Variants in ADAMTSL2 observed in about 807,000 individuals in gnomAD.
ADAMTSL2 encodes the protein ADAMTS like 2.
A neutral mutation model predicts 117.0 loss-of-function variants in ADAMTSL2; 55 were observed. The observed-to-expected ratio is 0.47, with a 90% CI of 0.38 to 0.59. The LOEUF (loss-of-function observed/expected upper bound fraction) is 0.59, where lower values mean the gene tolerates loss of function less well. ADAMTSL2 is among the 20% of genes least tolerant of loss of function. The pLI, the probability that ADAMTSL2 is intolerant of heterozygous loss-of-function variation, is 0.00. For missense variants in ADAMTSL2, 1,182 were observed against 1,354.5 expected, an observed-to-expected ratio of 0.87 and a Z score of 2.00; for synonymous variants, 572 against 566.4, an observed-to-expected ratio of 1.01 and a Z score of -0.14.
chr9:133,559,028 C>A (rs1830668809), intron 11 of ADAMTSL2, among the ~76,000 whole-genome samples: 1 of 152,180 alleles, frequency 6.6e-6, no homozygotes, highest in African/African-American at 2.4e-5. Flanking sequence ...ATGCTGCCTG[C>A]TGGCTCAGAG....
intron 5 of ADAMTSL2, among the ~76,000 whole-genome samples, chr9:133,540,141 ACTTACTGGCTC>A (rs1830179892): frequency 6.6e-6 from 1 of 152,146 alleles, no homozygotes; most frequent in Non-Finnish European, 1.5e-5. Flanking sequence ...TTGCTCACTT[ACTTACTGGCTC>A]CTGGGCACAG....
intron 9 of ADAMTSL2, among the ~76,000 whole-genome samples, chr9:133,551,802 A>G (rs1010361588): frequency 4.2e-5 from 6 of 144,260 alleles, no homozygotes; most frequent in Non-Finnish European, 7.6e-5. Context: ...GATCCCACCC[A>G]AAGCAGCAGC....
At position 133,540,918 on chromosome 9, in the gene ADAMTSL2, T is replaced by A; in HGVS notation, c.599T>A (p.Leu200Gln). The A allele has an allele frequency of 6.2e-7, 1 of 1,613,334 alleles. No individual in the cohort carries two copies. The highest frequency in any genetic ancestry group is 8.5e-7 in the Non-Finnish European group (1 of 1,179,988). ...GGGGTGCTTTTCTCCACCCACACAC[T>A]GGACAAGTGTGGCATCTGCCAGGGG... ...CDGVLFSTHT[L>Q]DKCGICQGDG... Residue 200 changes from leucine (L) to glutamine (Q), a missense_variant, in exon 7 of 19, where the codon CTG (leucine) becomes CAG (glutamine). By Grantham distance (113) the Leu-to-Gln change is moderately radical. Transcript: ENST00000651351.
At chr9:133,546,313 C>T (rs1830346578) in intron 8 of ADAMTSL2, among the ~76,000 whole-genome samples, 1 of 151,976 alleles carries the variant, frequency 6.6e-6, no homozygotes, top group Admixed American at 6.5e-5. Flanking sequence ...GAGTTAGGCC[C>T]TGGGAGTGCC....
chr9:133,536,753 T>G lies in ADAMTSL2; in HGVS notation c.41T>G (p.Leu14Arg). The G allele has an allele frequency of 1.9e-6, 3 of 1,614,260 alleles. No homozygotes were observed. The highest frequency in any genetic ancestry group is 2.5e-6 in the Non-Finnish European group (3 of 1,180,054). The change falls in exon 2 of 19, where the codon CTG becomes CGG. Residue 14 changes from leucine to arginine, a missense_variant. This residue lies in a region of ADAMTSL2 where 372 missense variants were observed against 463.4 expected (regional missense o/e 0.80). Coordinates refer to ENST00000651351, the MANE Select transcript of ADAMTSL2 (RefSeq NM_014694.4). ...CAATGTTCCTGCTGGGCCTGGTTCC[T>G]GCTGGTTCTGGCAGTTGTAGCTGGG... ...RWQCSCWAWF[L>R]LVLAVVAGDT...
chr9:133,546,400 G>A (rs1452528912), intron 8 of ADAMTSL2, among the ~76,000 whole-genome samples: 1 of 150,450 alleles, frequency 6.6e-6, no homozygotes, highest in East Asian at 2.0e-4. Flanking sequence ...CCAGGAAGAG[G>A]GTGACTGAGA....
chr9:133,539,681 C>CGGCTGTCCCGGCTGTCCCGGCTGTCCT (rs1427150305), intron 4 of ADAMTSL2, 90 bp from the exon 5 acceptor site: 25 of 1,340,960 alleles, frequency 1.9e-5, no homozygotes, highest in Admixed American at 7.9e-5. Flanking sequence ...CCGGCTGTCC[C>CGGCTGTCCCGGCTGTCCCGGCTGTCCT]GGCTGCAGCC....
At chr9:133,573,757 G>A (rs1831164047) in intron 17 of ADAMTSL2, 86 bp from the exon 18 acceptor site, 2 of 1,558,958 alleles carry the variant, frequency 1.3e-6, no homozygotes, top group African/African-American at 1.4e-5. Flanking sequence ...GGTGGGGAAG[G>A]GGGAGTGTGC....
chr9:133,538,206 G>T lies in ADAMTSL2; in HGVS notation c.234-143G>T, dbSNP rs1830098773. On this transcript the variant is annotated intron_variant, in intron 3 of 18. Transcript: ENST00000651351. ...CCCCTTGGCTCTGGTGTGTGTACGG[G>T]GTGGGAGTTGAGTAGGGAGGAAGGA... 5 of 895,904 alleles carry T rather than the reference G, an allele frequency of 5.6e-6. No homozygotes were observed. In the Admixed American group the frequency reaches 6.9e-5, roughly 12 times the overall value. 55.5% of individuals were successfully genotyped at this position (895,904 alleles called of 1,614,324 possible).
chr9:133,568,757 C>G lies in ADAMTSL2; in HGVS notation c.2243C>G (p.Pro748Arg). The G allele has an allele frequency of 1.2e-6, 2 of 1,612,936 alleles. No homozygotes were observed. The highest frequency in any genetic ancestry group is 1.7e-6 in the Non-Finnish European group (2 of 1,179,962). Residue 748 changes from proline (P) to arginine (R), a missense_variant and splice_region_variant, in exon 15 of 19, where the codon CCG becomes CGG. Physicochemically the swap from Pro to Arg is moderately radical, Grantham distance 103. Transcript: ENST00000651351. ...CAGTGGACCGTCTCCGACTGGGGAC[C>G]GGTGAGGCCTGCACTGAGGGGTGGC... ...DRQWTVSDWG[P>R]CSGSCGQGRT...
intron 4 of ADAMTSL2, 100 bp downstream of exon 4, chr9:133,538,524 C>G: frequency 7.5e-7 from 1 of 1,341,046 alleles, no homozygotes; most frequent in Non-Finnish European, 1.1e-6. Context: ...TCTGGGCATT[C>G]TGTTGTGGGC....
chr9:133,547,373 A>G (rs1262192564), intron 9 of ADAMTSL2, among the ~76,000 whole-genome samples, 160 bp downstream of exon 9: 10 of 152,174 alleles, frequency 6.6e-5, no homozygotes, highest in African/African-American at 1.7e-4. Flanking sequence ...CTTCACGTTC[A>G]ATCACTGTTA....
rs1366336312 is a variant in ADAMTSL2, at chr9:133,554,269, G to A, written c.940-88G>A. ...TCAACTGCCAGTCACAGCAGGGAAC[G>A]CACCCTGCAGCTCTGTGGGAAGGGG... On this transcript the variant is annotated intron_variant, in intron 9 of 18. Coordinates refer to ENST00000651351, the MANE Select transcript of ADAMTSL2 (RefSeq NM_014694.4). This position sits in a 1 kb window ranked among gnomAD's most constrained non-coding sequence, Gnocchi z 5.2. 61 of 1,229,012 alleles carry A rather than the reference G, an allele frequency of 5.0e-5. No individual in the cohort carries two copies. Among genetic ancestry groups the A allele is most frequent in the Admixed American group, 1.6e-4 (7 of 44,972 alleles). 76.1% of individuals were successfully genotyped at this position (1,229,012 alleles called of 1,614,324 possible).
chr9:133,534,856 C>T lies in ADAMTSL2; in HGVS notation c.-212C>T, dbSNP rs905658023. ...CCCGCACGCACAGCGCACCTGGCGC[C>T]GTCTGCCCTCCGCAGCGCTCGCCCC... On this transcript the variant is annotated 5_prime_UTR_variant, in exon 1 of 19. Transcript: ENST00000651351. 5 of 1,493,202 alleles carry T rather than the reference C, an allele frequency of 3.3e-6. No individual in the cohort carries two copies. Among genetic ancestry groups the T allele is most frequent in the Admixed American group, 4.5e-5 (2 of 44,516 alleles). 92.5% of individuals were successfully genotyped at this position (1,493,202 alleles called of 1,614,324 possible).
chr9:133,544,197 T>A (rs1223785645), intron 7 of ADAMTSL2, among the ~76,000 whole-genome samples: 1 of 152,188 alleles, frequency 6.6e-6, no homozygotes, highest in African/African-American at 2.4e-5. Flanking sequence ...CATGTCCCTG[T>A]GGCCCTCGCT....
chr9:133,565,635 T>C (rs1181248295), intron 12 of ADAMTSL2, among the ~76,000 whole-genome samples: 1 of 152,194 alleles, frequency 6.6e-6, no homozygotes, highest in Non-Finnish European at 1.5e-5. Flanking sequence ...AAAATCCCCT[T>C]GTCGGCTGCT....
chr9:133,536,976 G>C (rs1423801758), intron 2 of ADAMTSL2, among the ~76,000 whole-genome samples, 174 bp downstream of exon 2: 1 of 152,222 alleles, frequency 6.6e-6, no homozygotes, highest in African/African-American at 2.4e-5. Flanking sequence ...CCTCTGAACT[G>C]GGGCCCTGGC....
intron 15 of ADAMTSL2, among the ~76,000 whole-genome samples, chr9:133,569,184 G>A (rs1404597728): frequency 3.3e-5 from 5 of 152,196 alleles, no homozygotes; most frequent in Admixed American, 1.3e-4. Flanking sequence ...TGGGTGGTGG[G>A]TGCACAGATG....
intron 9 of ADAMTSL2, among the ~76,000 whole-genome samples, chr9:133,548,245 G>C (rs1830399930): frequency 6.6e-6 from 1 of 152,262 alleles, no homozygotes. Context: ...GCCAGAGCCT[G>C]TTCTTTGTTT....
Sources: gnomAD v4.1 joint callset for allele counts (sites outside exome capture counted in the v4.1 genomes callset) on GRCh38, gnomAD v4.1.1 for gene constraint, gnomAD v4.1.1 regional missense constraint, Gnocchi (gnomAD v3.1) non-coding constraint, MANE v1.5 for transcripts, NCBI Gene and HGNC (gene_info 2026-07-23, HGNC 2026-07-21) for gene names.